BRPF1: variants seen among roughly 807,000 people sequenced by gnomAD.
BRPF1 encodes peregrin.
A neutral mutation model predicts 115.0 loss-of-function variants in BRPF1; 15 were observed. The observed-to-expected ratio is 0.13, with a 90% confidence interval of 0.09 to 0.20. The LOEUF (loss-of-function observed/expected upper bound fraction) is 0.20. Among genes scored for constraint, BRPF1 ranks in the 10% least tolerant of loss-of-function variants. BRPF1 has a pLI of 1.00. For synonymous variants in BRPF1, 647 were observed against 619.8 expected (o/e 1.04, Z -0.65); for missense variants, 1,118 against 1,638.3 (o/e 0.68, Z 5.48).
At chr3:9,741,025 C>T (rs2077019855) in intron 4 of BRPF1, 84 bp downstream of exon 4, 12 of 1,427,136 alleles carry the variant, frequency 8.4e-6, no homozygotes, top group South Asian at 6.2e-5. Flanking sequence ...TTTCCAGTGT[C>T]AGAGGGCTTA....
chr3:9,742,449 T>A lies in BRPF1; in HGVS notation c.2001+278T>A, dbSNP rs894054301. 1.0e-5 allele frequency: 10 copies of A among 985,324 alleles called. No homozygotes were observed. The African/African-American group carries it at 1.4e-4, about 14-fold the overall frequency. The allele number at this position is 985,324 out of a possible 1,614,324, so 61.0% of individuals were successfully genotyped here. A position where few individuals can be genotyped will look rare whatever the true frequency, so the allele number is the denominator to read the frequency against. On this transcript the variant is annotated intron_variant, in intron 6 of 13. Coordinates refer to ENST00000383829, the MANE Select transcript of BRPF1 (RefSeq NM_001003694.2). ...GGGCAGGAAGACACTTTCGGGGTGC[T>A]GAACCCTAGAACGGAGACTTTAGAA...
In BRPF1 at chr3:9,744,504, A is replaced by G; in HGVS notation, c.2916A>G (p.Pro972=). The change falls in exon 9 of 14, where the codon CCA becomes CCG. Residue 972 remains proline, a synonymous_variant. Coordinates refer to ENST00000383829, the MANE Select transcript of BRPF1 (RefSeq NM_001003694.2). Reference sequence around the variant, plus strand: ...GTGATAAGTCCACAGAAGACCCCCCAATGGGTGAGCCTTACCATCACCCAG... The same window carrying G: ...GTGATAAGTCCACAGAAGACCCCCCGATGGGTGAGCCTTACCATCACCCAG... ...SDSDKSTEDP[P]MDLPANGFSG... is the part of the protein sequence containing the mutation. 1 of 1,514,928 alleles carries G rather than the reference A, an allele frequency of 6.6e-7. No individual in the cohort carries two copies. The highest frequency in any genetic ancestry group is 8.8e-7 in the Non-Finnish European group (1 of 1,132,472). 93.8% of individuals were successfully genotyped at this position (1,514,928 alleles called of 1,614,324 possible).
In BRPF1 at chr3:9,747,427, G is replaced by C. The variant is rs1004910586; in HGVS notation, c.*78G>C. 1 of 1,542,812 alleles carries C rather than the reference G, an allele frequency of 6.5e-7. No homozygotes were observed. The highest frequency in any genetic ancestry group is 8.8e-7 in the Non-Finnish European group (1 of 1,130,294). On this transcript the variant is annotated 3_prime_UTR_variant, in exon 14 of 14. Coordinates refer to ENST00000383829, the MANE Select transcript of BRPF1 (RefSeq NM_001003694.2). The surrounding 1 kb of genome is among the most constrained non-coding windows in gnomAD (Gnocchi z 5.6). Reference sequence around the variant, plus strand: ...TTGCTCACTGTCCTGGAGTGGCACCGGCCTCTGCACTGACTCATTTCTGGT... The same window carrying C: ...TTGCTCACTGTCCTGGAGTGGCACCCGCCTCTGCACTGACTCATTTCTGGT...
intron 6 of BRPF1, 63 bp downstream of exon 6, chr3:9,742,234 C>G: frequency 3.8e-6 from 6 of 1,593,410 alleles, no homozygotes; most frequent in Non-Finnish European, 4.3e-6. Context: ...ACCCCTGCTG[C>G]AGGTCTGGGC....
chr3:9,738,218 C>T (rs2076973141), intron 2 of BRPF1, among the ~76,000 whole-genome samples: 1 of 152,072 alleles, frequency 6.6e-6, no homozygotes, highest in Admixed American at 6.5e-5. Flanking sequence ...AGGTTGAATG[C>T]CTCTGCCTCT....
chr3:9,738,703 A>G (rs1472942221), intron 2 of BRPF1, among the ~76,000 whole-genome samples: 1 of 152,206 alleles, frequency 6.6e-6, no homozygotes, highest in East Asian at 1.9e-4. Flanking sequence ...GGTGTCACAT[A>G]TAGCAGCTAG....
At chr3:9,737,297 C>G (rs1026335874) in intron 2 of BRPF1, among the ~76,000 whole-genome samples, 1 of 152,178 alleles carries the variant, frequency 6.6e-6, no homozygotes, top group African/African-American at 2.4e-5. Context: ...GACACATACA[C>G]AGCTATAATG....
chr3:9,744,088 A>C, intron 8 of BRPF1, 136 bp from the exon 9 acceptor site: 2 of 1,321,334 alleles, frequency 1.5e-6, no homozygotes, highest in South Asian at 1.5e-5. Flanking sequence ...TAATCTTCCA[A>C]ATTCCAAGCC....
chr3:9,747,377 T>G lies in BRPF1; in HGVS notation c.*28T>G. 1 of 1,603,754 alleles carries G rather than the reference T, an allele frequency of 6.2e-7. No homozygotes were observed. Among genetic ancestry groups the G allele is most frequent in the East Asian group, 2.2e-5 (1 of 44,616 alleles). On this transcript the variant is annotated 3_prime_UTR_variant, in exon 14 of 14. Coordinates refer to ENST00000383829, the MANE Select transcript of BRPF1 (RefSeq NM_001003694.2). This position sits in a 1 kb window ranked among gnomAD's most constrained non-coding sequence, Gnocchi z 5.6. ...CTGCTCAACACAGCCCAACCTATAG[T>G]GCCCTGTGACTTCTCTCCTCCCCTT...
Position 9,734,875 on chromosome 3 carries a change from G to A in BRPF1, c.599+136G>A, listed in dbSNP as rs1347612214. The A allele has an allele frequency of 1.9e-6, 2 of 1,076,940 alleles. No homozygotes were observed. Among genetic ancestry groups the A allele is most frequent in the Non-Finnish European group, 2.7e-6 (2 of 751,162 alleles). 66.7% of individuals were successfully genotyped at this position (1,076,940 alleles called of 1,614,324 possible). A position where few individuals can be genotyped will look rare whatever the true frequency, so the allele number is the denominator to read the frequency against. On this transcript the variant is annotated intron_variant, in intron 2 of 13. Transcript: ENST00000383829. The surrounding 1 kb of genome is among the most constrained non-coding windows in gnomAD (Gnocchi z 5.7). ...AGAACACTGATTTTGCCAGGGCAGT[G>A]AGTGGAATGGTACGCCACTAATGCA...
At position 9,743,297 on chromosome 3, in the gene BRPF1, G is replaced by A; in HGVS notation, c.2311+44G>A. On this transcript the variant is annotated intron_variant, in intron 7 of 13. Coordinates refer to ENST00000383829, the MANE Select transcript of BRPF1 (RefSeq NM_001003694.2). This position sits in a 1 kb window ranked among gnomAD's most constrained non-coding sequence, Gnocchi z 6.1. ...ACACATATAAGAGGCCAATGCCGGG[G>A]ATGGACAGCTTTCCAAAAGTCCCCT... The A allele has an allele frequency of 6.4e-7, 1 of 1,571,338 alleles. No homozygotes were observed. The highest frequency in any genetic ancestry group is 1.2e-5 in the South Asian group (1 of 84,492).
In BRPF1 at chr3:9,743,593, G is replaced by A. The variant is rs761129630; in HGVS notation, c.2327G>A (p.Arg776Gln). The change falls in exon 8 of 14, where the codon CGG (arginine) becomes CAG (glutamine). Residue 776 changes from arginine to glutamine, a missense_variant. Around this residue, in one of 10 missense-constraint regions of BRPF1, gnomAD observed 223 missense variants for 240.7 expected, o/e 0.93. Transcript: ENST00000383829. This position sits in a 1 kb window ranked among gnomAD's most constrained non-coding sequence, Gnocchi z 6.1. ...HHTEDAAEEE[R>Q]LVLLENQKHL... ...CTACCCCTAGCAGCCGAGGAAGAGC[G>A]GCTGGTCTTGCTGGAGAACCAGAAG... The A allele has an allele frequency of 1.7e-5, 27 of 1,612,624 alleles. No individual in the cohort carries two copies. Among genetic ancestry groups the A allele is most frequent in the African/African-American group, 6.7e-5 (5 of 74,926 alleles).
chr3:9,746,535 C>T (rs1247027271), intron 13 of BRPF1, 81 bp downstream of exon 13: 5 of 1,404,390 alleles, frequency 3.6e-6, no homozygotes, highest in Non-Finnish European at 4.7e-6. Flanking sequence ...CAGGAAACTC[C>T]AGCAACAGGC....
At chr3:9,740,301 A>G (rs1033639288) in intron 3 of BRPF1, among the ~76,000 whole-genome samples, 2 of 152,176 alleles carry the variant, frequency 1.3e-5, no homozygotes, top group African/African-American at 4.8e-5. Context: ...AATAGAATGA[A>G]AAGCGGGGAA....
intron 3 of BRPF1, 151 bp from the exon 4 acceptor site, chr3:9,740,628 T>C (rs922735948): frequency 3.0e-6 from 3 of 999,394 alleles, no homozygotes; most frequent in Non-Finnish European, 4.4e-6. Flanking sequence ...CCACTCTTTC[T>C]TCCTTGCCTT....
rs1297005178 is a variant in BRPF1, at chr3:9,739,790, G to T, written c.1391G>T (p.Gly464Val). 2 of 1,613,362 alleles carry T rather than the reference G, an allele frequency of 1.2e-6. No homozygotes were observed. Among genetic ancestry groups the T allele is most frequent in the Non-Finnish European group, 1.7e-6 (2 of 1,179,704 alleles). The change falls in exon 3 of 14, where the codon GGT becomes GTT. Residue 464 changes from glycine (G) to valine (V), a missense_variant. Gly to Val is a moderately radical substitution (Grantham distance 109). Coordinates refer to ENST00000383829, the MANE Select transcript of BRPF1 (RefSeq NM_001003694.2). ...CTGCCTGCCCTGTCCCACAGCGAGG[G>T]TGAGGAGGATGAAGATGAGGAGGAG... ...RRLPALSHSEGEEDEDEEEDE... is the reference protein window; with the variant it reads ...RRLPALSHSEVEEDEDEEEDE...
Position 9,747,275 on chromosome 3 carries a change from G to A in BRPF1, c.3589G>A (p.Ala1197Thr). Residue 1197 changes from alanine (A) to threonine (T), a missense_variant, in exon 14 of 14, where the codon GCC (alanine) becomes ACC (threonine). Ala to Thr is a moderately conservative substitution (Grantham distance 58). This residue lies in a region of BRPF1 where 76 missense variants were observed against 166.1 expected (regional missense o/e 0.46). Coordinates refer to ENST00000383829, the MANE Select transcript of BRPF1 (RefSeq NM_001003694.2). The surrounding 1 kb of genome is among the most constrained non-coding windows in gnomAD (Gnocchi z 5.6). ...CAACATCCGCAAGTCAGTACAGATC[G>A]CCTACCACAGGGCTCTGCAGCACCG... ...KSNIRKSVQI[A>T]YHRALQHRSK... is the part of the protein sequence containing the mutation. 6.2e-7 allele frequency: 1 copy of A among 1,614,202 alleles called. No individual in the cohort carries two copies. Among genetic ancestry groups the A allele is most frequent in the Non-Finnish European group, 8.5e-7 (1 of 1,180,046 alleles).
rs369649182 is a variant in BRPF1, at chr3:9,742,143, C to T, written c.1973C>T (p.Pro658Leu). 13 of 1,614,102 alleles carry T rather than the reference C, an allele frequency of 8.1e-6. No individual in the cohort carries two copies. The highest frequency in any genetic ancestry group is 1.1e-5 in the Non-Finnish European group (13 of 1,180,056). Residue 658 changes from proline (P) to leucine (L), a missense_variant, in exon 6 of 14, where the codon CCT becomes CTT. Coordinates refer to ENST00000383829, the MANE Select transcript of BRPF1 (RefSeq NM_001003694.2). ...DTGNIFSEPV[P>L]LSEVTELDEV... ...GGCAACATCTTCAGCGAGCCGGTCC[C>T]TCTGTCTGAGGTAACCGAATTGGAC...
intron 4 of BRPF1, 99 bp downstream of exon 4, chr3:9,741,040 C>T (rs954190083): frequency 7.6e-7 from 1 of 1,312,210 alleles, no homozygotes; most frequent in Non-Finnish European, 1.0e-6. Flanking sequence ...GGCTTAGACT[C>T]TTTCCTCCTT....
Sources: allele counts gnomAD v4.1 joint callset (sites outside exome capture counted in the v4.1 genomes callset), GRCh38; gene constraint gnomAD v4.1.1; regional missense constraint gnomAD v4.1.1; non-coding constraint Gnocchi (gnomAD v3.1); transcripts MANE v1.5; gene names NCBI Gene and HGNC (gene_info 2026-07-23, HGNC 2026-07-21).